PPARD: variants seen among roughly 807,000 people sequenced by gnomAD.
PPARD encodes the protein peroxisome proliferator-activated receptor delta.
PPARD carries 6 observed loss-of-function variants against 39.5 expected under a neutral mutation model. The observed-to-expected ratio is 0.15, with a 90% CI of 0.08 to 0.30. The LOEUF is 0.30. Among genes scored for constraint, PPARD ranks in the 10% least tolerant of loss-of-function variants. The pLI, the probability that PPARD is intolerant of heterozygous loss-of-function variation, is 1.00. For synonymous variants in PPARD, 210 were observed against 231.3 expected, an observed-to-expected ratio of 0.91 and a Z score of 0.83; for missense variants, 397 against 596.8, an observed-to-expected ratio of 0.67 and a Z score of 3.49.
In PPARD at chr6:35,363,628, G is replaced by A. The variant is rs941966869; in HGVS notation, c.-102+16478G>A. On this transcript the variant is annotated intron_variant, in intron 2 of 7. Transcript: ENST00000360694. This position sits in a 1 kb window ranked among gnomAD's most constrained non-coding sequence, Gnocchi z 4.5. ...GGTGGATCCAGTGAGGCGGGGGCCA[G>A]GCCTTGCCCAAGAGTCAGAAAGTGG... is the stretch of plus-strand genomic sequence containing the variant. Among the ~76,000 whole-genome samples the A allele has an allele frequency of 6.6e-6, 1 of 152,054 alleles. No homozygotes were observed. Among genetic ancestry groups the A allele is most frequent in the Non-Finnish European group, 1.5e-5 (1 of 68,024 alleles).
Position 35,425,431 on chromosome 6 carries a change from A to G in PPARD, c.1079-401A>G. 1.9e-6 allele frequency: 2 copies of G among 1,078,124 alleles called. No homozygotes were observed. The highest frequency in any genetic ancestry group is 2.3e-6 in the Non-Finnish European group (2 of 884,388). 66.8% of individuals were successfully genotyped at this position (1,078,124 alleles called of 1,614,324 possible). On this transcript the variant is annotated intron_variant, in intron 7 of 7. Transcript: ENST00000360694. The surrounding 1 kb of genome is among the most constrained non-coding windows in gnomAD (Gnocchi z 4.5). ...GTCTAGAGCTTACTTCATGCCAGGC[A>G]CTGTTCTTTTCATCGATGATGACTC...
chr6:35,409,269 C>T lies in PPARD; in HGVS notation c.-101-1718C>T, dbSNP rs551120703. Among the ~76,000 whole-genome samples the T allele has an allele frequency of 6.6e-5, 10 of 152,046 alleles. No homozygotes were observed. The South Asian group carries it at 1.5e-3, about 22-fold the overall frequency. ...CCTGTAATTCCAATACCTTGGTAGG[C>T]CAAGGTGGGCAGATTGCTTGAGCCC... On this transcript the variant is annotated intron_variant, in intron 2 of 7. Coordinates refer to ENST00000360694, the MANE Select transcript of PPARD (RefSeq NM_006238.5).
intron 2 of PPARD, 57 bp from the exon 3 acceptor site, chr6:35,410,930 C>A (rs1765382805): frequency 2.4e-6 from 3 of 1,255,326 alleles, no homozygotes; most frequent in Middle Eastern, 2.4e-4. Context: ...CCACTCGCAC[C>A]ATCCTCTTCC....
At chr6:35,423,873 G>A in intron 5 of PPARD, 73 bp from the exon 6 acceptor site, 2 of 1,500,986 alleles carry the variant, frequency 1.3e-6, no homozygotes, top group Non-Finnish European at 1.8e-6. Flanking sequence ...CCATGCACCT[G>A]TAAAGGGATG....
At chr6:35,380,313 C>T (rs558766793) in intron 2 of PPARD, among the ~76,000 whole-genome samples, 4 of 152,056 alleles carry the variant, frequency 2.6e-5, no homozygotes, top group Non-Finnish European at 4.4e-5. Context: ...AAATGGTTGC[C>T]GTGGTTCCAC....
intron 2 of PPARD, among the ~76,000 whole-genome samples, chr6:35,365,995 G>C (rs1762195096): frequency 2.0e-5 from 3 of 151,712 alleles, no homozygotes; most frequent in Non-Finnish European, 4.4e-5. Flanking sequence ...GTGAGCGCTG[G>C]TATCTGAGTG....
intron 2 of PPARD, among the ~76,000 whole-genome samples, chr6:35,367,661 A>G (rs1345053374): frequency 6.6e-6 from 1 of 152,242 alleles, no homozygotes; most frequent in African/African-American, 2.4e-5. Context: ...GTTCTGCCCC[A>G]CATGATGTCG....
In PPARD at chr6:35,401,445, C is replaced by A. The variant is rs1764688258; in HGVS notation, c.-101-9542C>A. ...TTGTAAAAATGCAGCTCTGTTCCTC[C>A]CCATCCTCTTCATAACCCCCTTGGC... On this transcript the variant is annotated intron_variant, in intron 2 of 7. Transcript: ENST00000360694. The surrounding 1 kb of genome is among the most constrained non-coding windows in gnomAD (Gnocchi z 4.1). Among the ~76,000 whole-genome samples the A allele has an allele frequency of 6.6e-6, 1 of 152,164 alleles. No homozygotes were observed. The highest frequency in any genetic ancestry group is 1.5e-5 in the Non-Finnish European group (1 of 68,036).
At chr6:35,362,048 G>A (rs1167049088) in intron 2 of PPARD, among the ~76,000 whole-genome samples, 1 of 152,130 alleles carries the variant, frequency 6.6e-6, no homozygotes, top group Non-Finnish European at 1.5e-5. Flanking sequence ...GATAAGCACT[G>A]AGGAGAAAAA....
chr6:35,401,800 T>C lies in PPARD; in HGVS notation c.-101-9187T>C, dbSNP rs1259184918. ...CATGGTGGTAGGTACTTGACAAATATTTGTTGAACAAGTGAATGAAACCAG... is the reference window on the plus strand; with the variant it reads ...CATGGTGGTAGGTACTTGACAAATACTTGTTGAACAAGTGAATGAAACCAG... On this transcript the variant is annotated intron_variant, in intron 2 of 7. Coordinates refer to ENST00000360694, the MANE Select transcript of PPARD (RefSeq NM_006238.5). The surrounding 1 kb of genome is among the most constrained non-coding windows in gnomAD (Gnocchi z 4.1). Among the ~76,000 whole-genome samples, 1 of 152,180 alleles carries C rather than the reference T, an allele frequency of 6.6e-6. No homozygotes were observed. Among genetic ancestry groups the C allele is most frequent in the South Asian group, 2.1e-4 (1 of 4,828 alleles).
intron 2 of PPARD, among the ~76,000 whole-genome samples, chr6:35,372,071 C>G (rs1476722042): frequency 3.3e-5 from 5 of 152,232 alleles, no homozygotes; most frequent in African/African-American, 1.2e-4. Context: ...AGATTGTAAC[C>G]TTTCTGGGCT....
In PPARD at chr6:35,385,063, C is replaced by T. The variant is rs1208048325; in HGVS notation, c.-101-25924C>T. Among the ~76,000 whole-genome samples, 76 of 146,572 alleles carry T rather than the reference C, an allele frequency of 5.2e-4. 1 individual carries two copies. The East Asian group carries it at 5.9e-3, about 11-fold the overall frequency. On this transcript the variant is annotated intron_variant, in intron 2 of 7. Transcript: ENST00000360694. ...GCCGCCCCGTCCGGGAGGTGACGGG[C>T]GCCTCTGCCCGGCCGCCCCTACTGG...
In PPARD at chr6:35,401,877, C is replaced by T. The variant is rs1324779809; in HGVS notation, c.-101-9110C>T. Among the ~76,000 whole-genome samples, 1 of 152,130 alleles carries T rather than the reference C, an allele frequency of 6.6e-6. No individual in the cohort carries two copies. The highest frequency in any genetic ancestry group is 1.9e-4 in the East Asian group (1 of 5,194). ...GCAGGGACAGTGTCCACAACCATAGCCCCTGTGGTCTTAGCTGAGAAGGGC... is the reference window on the plus strand; with the variant it reads ...GCAGGGACAGTGTCCACAACCATAGTCCCTGTGGTCTTAGCTGAGAAGGGC... On this transcript the variant is annotated intron_variant, in intron 2 of 7. Transcript: ENST00000360694. This position sits in a 1 kb window ranked among gnomAD's most constrained non-coding sequence, Gnocchi z 4.1.
At chr6:35,395,370 C>T (rs988349767) in intron 2 of PPARD, among the ~76,000 whole-genome samples, 4 of 152,172 alleles carry the variant, frequency 2.6e-5, no homozygotes, top group East Asian at 1.9e-4. Context: ...CTTCTATTTC[C>T]GTAAGCACAG....
Position 35,363,955 on chromosome 6 carries a change from G to A in PPARD, c.-102+16805G>A, listed in dbSNP as rs1255361150. ...TAATATATTTATATATTATATTAACGGTTTTATATATTATTTTAGCTGTGT... is the reference window on the plus strand; with the variant it reads ...TAATATATTTATATATTATATTAACAGTTTTATATATTATTTTAGCTGTGT... On this transcript the variant is annotated intron_variant, in intron 2 of 7. Transcript: ENST00000360694. The surrounding 1 kb of genome is among the most constrained non-coding windows in gnomAD (Gnocchi z 4.5). 2.7e-5 allele frequency among the ~76,000 whole-genome samples: 4 copies of A among 148,836 alleles called. No homozygotes were observed. The highest frequency in any genetic ancestry group is 2.1e-4 in the South Asian group (1 of 4,764).
chr6:35,377,553 G>C (rs1427774965), intron 2 of PPARD, among the ~76,000 whole-genome samples: 1 of 152,134 alleles, frequency 6.6e-6, no homozygotes, highest in African/African-American at 2.4e-5. Flanking sequence ...CAGCTGTTTG[G>C]CTTGGAACCT....
At chr6:35,345,675 C>G (rs908729396) in intron 1 of PPARD, among the ~76,000 whole-genome samples, 2 of 152,042 alleles carry the variant, frequency 1.3e-5, no homozygotes, top group African/African-American at 2.4e-5. Flanking sequence ...GACCTGTGGT[C>G]CCTTAGACGC....
At position 35,363,462 on chromosome 6, in the gene PPARD, T is replaced by C. The variant is rs982726923; in HGVS notation, c.-102+16312T>C. ...CTATAATTAAGTTCCCATGTGAAAC[T>C]GTATCCCTCAGCTGACACACGCTTG... On this transcript the variant is annotated intron_variant, in intron 2 of 7. Coordinates refer to ENST00000360694, the MANE Select transcript of PPARD (RefSeq NM_006238.5). The surrounding 1 kb of genome is among the most constrained non-coding windows in gnomAD (Gnocchi z 4.5). Among the ~76,000 whole-genome samples, 1 of 152,222 alleles carries C rather than the reference T, an allele frequency of 6.6e-6. No homozygotes were observed. The highest frequency in any genetic ancestry group is 2.4e-5 in the African/African-American group (1 of 41,452).
At chr6:35,393,591 G>T (rs1764142491) in intron 2 of PPARD, among the ~76,000 whole-genome samples, 1 of 152,114 alleles carries the variant, frequency 6.6e-6, no homozygotes, top group Non-Finnish European at 1.5e-5. Context: ...CTGAGAAGTG[G>T]GCTGTCATGC....
Sources: allele counts gnomAD v4.1 joint callset (sites outside exome capture counted in the v4.1 genomes callset), GRCh38; gene constraint gnomAD v4.1.1; non-coding constraint Gnocchi (gnomAD v3.1); transcripts MANE v1.5; gene names NCBI Gene and HGNC (gene_info 2026-07-23, HGNC 2026-07-21).